Variants in SLC8A1 observed in about 807,000 individuals in gnomAD.
SLC8A1 encodes solute carrier family 8 member A1, also known as sodium/calcium exchanger 1.
In SLC8A1, 18 loss-of-function variants were observed where a neutral mutation model predicts 68.3. That is an observed-to-expected ratio of 0.26 (90% CI 0.18 to 0.39). SLC8A1 has a LOEUF of 0.39. SLC8A1 is among the 10% of genes least tolerant of loss of function. SLC8A1 has a pLI of 1.00. For missense variants in SLC8A1, 985 were observed against 1,156.7 expected (o/e 0.85, Z 2.15); for synonymous variants, 475 against 415.5 (o/e 1.14, Z -1.74).
At chr2:40,222,612 C>T (rs999064922) in intron 2 of SLC8A1, among the ~76,000 whole-genome samples, 1 of 152,108 alleles carries the variant, frequency 6.6e-6, no homozygotes, top group Non-Finnish European at 1.5e-5. Context: ...AAAATAACTG[C>T]AATCTATCCA....
intron 2 of SLC8A1, among the ~76,000 whole-genome samples, chr2:40,353,279 C>T (rs909575387): frequency 6.6e-6 from 1 of 152,146 alleles, no homozygotes; most frequent in Non-Finnish European, 1.5e-5. Context: ...TAGGAGCCAA[C>T]TCTTGACAGC....
intron 6 of SLC8A1, among the ~76,000 whole-genome samples, chr2:40,159,319 CAAGAACAAT>C (rs1414280363): frequency 6.6e-6 from 1 of 152,076 alleles, no homozygotes; most frequent in African/African-American, 2.4e-5. Flanking sequence ...TGCCTTGCAC[CAAGAACAAT>C]AATTGACATA....
At position 40,277,991 on chromosome 2, in the gene SLC8A1, G is replaced by A. The variant is rs529902957; in HGVS notation, c.1809-100136C>T. ...AACCAAGGCAAAGTAACTTATGTAA[G>A]TCTACATGATAGAACTAGGATTTGA... is the stretch of plus-strand genomic sequence containing the variant. On this transcript the variant is annotated intron_variant, in intron 2 of 7. Coordinates refer to ENST00000406785, the Ensembl canonical transcript of SLC8A1. Among the ~76,000 whole-genome samples, 136 of 151,912 alleles carry A rather than the reference G, an allele frequency of 9.0e-4. 1 individual carries two copies. The highest frequency in any genetic ancestry group is 3.2e-3 in the African/African-American group (131 of 41,472).
intron 6 of SLC8A1, among the ~76,000 whole-genome samples, chr2:40,152,604 C>T (rs2148389248): frequency 6.7e-6 from 1 of 148,842 alleles, no homozygotes; most frequent in Middle Eastern, 3.4e-3. Context: ...TTAGTAGAGA[C>T]AGAGTTTCGC....
chr2:40,296,447 A>C (rs949047616), intron 2 of SLC8A1, among the ~76,000 whole-genome samples: 1 of 152,228 alleles, frequency 6.6e-6, no homozygotes, highest in Non-Finnish European at 1.5e-5. Context: ...AGAAGGCTAA[A>C]AACACTTTTA....
intron 1 of SLC8A1, among the ~76,000 whole-genome samples, chr2:40,464,221 C>T (rs1052529864): frequency 3.9e-5 from 6 of 152,066 alleles, no homozygotes; most frequent in African/African-American, 7.2e-5. Flanking sequence ...AAATATATTT[C>T]GGGCAGTTCC....
intron 2 of SLC8A1, among the ~76,000 whole-genome samples, chr2:40,261,799 T>C (rs2064745768): frequency 6.6e-6 from 1 of 152,212 alleles, no homozygotes; most frequent in Admixed American, 6.5e-5. Context: ...TTCGCATGTC[T>C]TTTTAAGAGA....
At chr2:40,214,787 G>T (rs903434956) in intron 2 of SLC8A1, among the ~76,000 whole-genome samples, 1 of 151,942 alleles carries the variant, frequency 6.6e-6, no homozygotes, top group Non-Finnish European at 1.5e-5. Flanking sequence ...GTATTTTTTT[G>T]AGAATTTCCA....
At chr2:40,226,975 A>G (rs2059058094) in intron 2 of SLC8A1, among the ~76,000 whole-genome samples, 1 of 152,110 alleles carries the variant, frequency 6.6e-6, no homozygotes, top group South Asian at 2.1e-4. Flanking sequence ...AATGATCACA[A>G]CTAAGAGACA....
At chr2:40,166,472 G>T (rs541275891) in intron 4 of SLC8A1, among the ~76,000 whole-genome samples, 5 of 152,282 alleles carry the variant, frequency 3.3e-5, no homozygotes, top group Non-Finnish European at 5.9e-5. Flanking sequence ...TAAATTAGTT[G>T]CAGACTAAAA....
intron 2 of SLC8A1, among the ~76,000 whole-genome samples, chr2:40,270,964 ATCG>A (rs2065949753): frequency 1.3e-5 from 2 of 152,246 alleles, no homozygotes; most frequent in African/African-American, 4.8e-5. Flanking sequence ...CACTGCCACC[ATCG>A]TCATCCTGGC....
At chr2:40,102,052 G>C (rs1232965545) in exon 8 of SLC8A1, 2 of 152,134 alleles carry the variant, frequency 1.3e-5, no homozygotes, top group African/African-American at 2.4e-5. Flanking sequence ...TCCCCCACCA[G>C]ACATTCTTAC....
intron 7 of SLC8A1, among the ~76,000 whole-genome samples, chr2:40,116,539 A>G (rs2035450948): frequency 6.7e-6 from 1 of 150,124 alleles, no homozygotes. Flanking sequence ...TTCAATTCCC[A>G]CCTATGAGTG....
At chr2:40,167,426 A>G (rs911230990) in intron 4 of SLC8A1, among the ~76,000 whole-genome samples, 1 of 152,228 alleles carries the variant, frequency 6.6e-6, no homozygotes, top group Non-Finnish European at 1.5e-5. Flanking sequence ...GTTTTCTTTT[A>G]AAAACAAACT....
At chr2:40,101,931 T>G (rs1572671874) in exon 8 of SLC8A1, 1 of 152,168 alleles carries the variant, frequency 6.6e-6, no homozygotes, top group South Asian at 2.1e-4. Flanking sequence ...CTGATGCTGC[T>G]TGTTTGGGGA....
Position 40,425,750 on chromosome 2 carries a change from C to T in SLC8A1, c.1808+2723G>A, listed in dbSNP as rs79449259. 4.3e-3 allele frequency among the ~76,000 whole-genome samples: 651 copies of T among 151,870 alleles called. 4 individuals carry two copies. The highest frequency in any genetic ancestry group is 0.015 in the African/African-American group (616 of 41,508). ...TCCATTGCACGATGACAAACTCTTTCACTTGGATCTGACTGTATGGAAATA... is the reference window on the plus strand; with the variant it reads ...TCCATTGCACGATGACAAACTCTTTTACTTGGATCTGACTGTATGGAAATA... On this transcript the variant is annotated intron_variant, in intron 2 of 7. Transcript: ENST00000406785.
exon 8 of SLC8A1, chr2:40,115,547 C>T (rs765449185): frequency 6.2e-7 from 1 of 1,614,112 alleles, no homozygotes; most frequent in Non-Finnish European, 8.5e-7. Context: ...GGAAGACATT[C>T]ACCGCGTTGC....
intron 2 of SLC8A1, among the ~76,000 whole-genome samples, chr2:40,392,213 AAAAG>A (rs1364013946): frequency 2.0e-5 from 3 of 151,784 alleles, no homozygotes; most frequent in African/African-American, 7.3e-5. Flanking sequence ...AAGAAAAAGA[AAAAG>A]AAAAGAGAAA....
intron 6 of SLC8A1, among the ~76,000 whole-genome samples, chr2:40,153,402 A>C (rs2043824667): frequency 6.6e-6 from 1 of 152,230 alleles, no homozygotes; most frequent in South Asian, 2.1e-4. Context: ...TAGAGAAGCC[A>C]AAGATTCCAA....
Sources: gnomAD v4.1 joint callset for allele counts (sites outside exome capture counted in the v4.1 genomes callset) on GRCh38, gnomAD v4.1.1 for gene constraint, MANE v1.5 for transcripts, NCBI Gene and HGNC (gene_info 2026-07-23, HGNC 2026-07-21) for gene names.